TRPM7: variants seen among roughly 807,000 people sequenced by gnomAD.
TRPM7 encodes the protein LTRPC ion channel family member 7.
TRPM7 carries 134 observed loss-of-function variants against 229.7 expected under a neutral mutation model. That is an observed-to-expected ratio of 0.58 (90% confidence interval 0.51 to 0.67). The LOEUF is 0.67. Among genes scored for constraint, TRPM7 ranks in the 30% least tolerant of loss-of-function variants. TRPM7 has a pLI of 0.00. For missense variants in TRPM7, 1,901 were observed against 2,210.0 expected (o/e 0.86, Z 2.80); for synonymous variants, 699 against 715.2 (o/e 0.98, Z 0.36).
intron 2 of TRPM7, among the ~76,000 whole-genome samples, chr15:50,659,868 A>G (rs1424281830): frequency 6.6e-6 from 1 of 152,256 alleles, no homozygotes; most frequent in East Asian, 1.9e-4. Context: ...CGGTTTCACC[A>G]TGTTGGCCAG....
intron 2 of TRPM7, among the ~76,000 whole-genome samples, chr15:50,662,170 G>A (rs147329670): frequency 0.03 from 4,548 of 152,152 alleles, 245 homozygotes; most frequent in African/African-American, 0.1. Context: ...TGGCTAACAT[G>A]GTGAAACCCC....
chr15:50,600,436 TAA>T (rs894855873), intron 21 of TRPM7, among the ~76,000 whole-genome samples: 30 of 130,002 alleles, frequency 2.3e-4, no homozygotes, highest in Non-Finnish European at 3.1e-4. Flanking sequence ...GACTCCATCT[TAA>T]AAAAAAAAAA....
chr15:50,683,947 G>T (rs1476218354), intron 1 of TRPM7, among the ~76,000 whole-genome samples: 1 of 150,230 alleles, frequency 6.7e-6, no homozygotes, highest in Non-Finnish European at 1.5e-5. Context: ...TGCAACCTCC[G>T]CCTCCAAGTT....
rs71124399 is a variant in TRPM7, at chr15:50,640,453, CTT to C, written c.536-907_536-906del. Among the ~76,000 whole-genome samples the C allele has an allele frequency of 5.3e-5, 7 of 131,408 alleles. 1 individual carries two copies. Among genetic ancestry groups the C allele is most frequent in the Non-Finnish European group, 8.1e-5 (5 of 61,694 alleles). 86.2% of individuals were successfully genotyped at this position (131,408 alleles called of 152,430 possible). On this transcript the variant is annotated intron_variant, in intron 5 of 38. Coordinates refer to ENST00000646667, the MANE Select transcript of TRPM7 (RefSeq NM_017672.6). ...CACCATGCCGGGGTAATTTTTTTTT[CTT>C]TTTTTTTTTTTTTTTAGAAAGTGTC...
At chr15:50,619,643 G>A (rs2060331389) in intron 13 of TRPM7, 102 bp downstream of exon 13, 2 of 979,838 alleles carry the variant, frequency 2.0e-6, no homozygotes, top group Non-Finnish European at 3.0e-6. Flanking sequence ...TAATTTTATT[G>A]GTATTTCTAA....
At chr15:50,634,899 C>T (rs1012719285) in intron 7 of TRPM7, among the ~76,000 whole-genome samples, 10 of 152,048 alleles carry the variant, frequency 6.6e-5, no homozygotes, top group African/African-American at 2.2e-4. Flanking sequence ...GAGCTCTTGA[C>T]GTGAAATGTA....
chr15:50,633,063 T>C, intron 8 of TRPM7, 71 bp from the exon 9 acceptor site: 7 of 1,404,148 alleles, frequency 5.0e-6, no homozygotes, highest in South Asian at 4.5e-5. Context: ...GAAGTACAGG[T>C]AGATCCATGT....
chr15:50,586,789 C>T (rs1019472254), intron 27 of TRPM7, among the ~76,000 whole-genome samples: 14 of 152,030 alleles, frequency 9.2e-5, no homozygotes, highest in Non-Finnish European at 1.6e-4. Flanking sequence ...GAGGTCGAGG[C>T]GGGCGGATCA....
At chr15:50,652,417 C>T (rs9806668) in intron 3 of TRPM7, among the ~76,000 whole-genome samples, 3,386 of 140,300 alleles carry the variant, frequency 0.024, 122 homozygotes, top group African/African-American at 0.084. Context: ...AAAAGCTTGT[C>T]ATTGAAAAGA....
chr15:50,566,118 C>T (rs1236196118), intron 38 of TRPM7, among the ~76,000 whole-genome samples: 1 of 151,924 alleles, frequency 6.6e-6, no homozygotes, highest in African/African-American at 2.4e-5. Flanking sequence ...AGCCACTGAA[C>T]CCAGCTCCAT....
chr15:50,683,624 C>T (rs547648862), intron 1 of TRPM7, among the ~76,000 whole-genome samples: 1 of 152,044 alleles, frequency 6.6e-6, no homozygotes, highest in African/African-American at 2.4e-5. Context: ...ATCCCAGCTT[C>T]GGGAGGCTGG....
At chr15:50,613,601 A>T in intron 15 of TRPM7, 106 bp downstream of exon 15, 1 of 1,024,552 alleles carries the variant, frequency 9.8e-7, no homozygotes, top group South Asian at 2.5e-5. Flanking sequence ...CCAAAAACGA[A>T]AGGTAATTCT....
intron 38 of TRPM7, among the ~76,000 whole-genome samples, chr15:50,566,535 A>C (rs565688968): frequency 6.6e-6 from 1 of 152,224 alleles, no homozygotes; most frequent in Admixed American, 6.5e-5. Context: ...GACTCTACTA[A>C]AAGTAACAAA....
At chr15:50,562,569 A>G (rs935167522) in intron 38 of TRPM7, among the ~76,000 whole-genome samples, 2 of 152,172 alleles carry the variant, frequency 1.3e-5, no homozygotes, top group African/African-American at 4.8e-5. Flanking sequence ...CAGGAGTTCA[A>G]GAGCAGCCTG....
chr15:50,564,587 T>C (rs1440014479), intron 38 of TRPM7, among the ~76,000 whole-genome samples: 3 of 152,002 alleles, frequency 2.0e-5, no homozygotes, highest in Non-Finnish European at 4.4e-5. Flanking sequence ...GTGCAGAACA[T>C]GCAGGTTTGT....
chr15:50,562,772 CAA>C (rs537634338), intron 38 of TRPM7, among the ~76,000 whole-genome samples: 32 of 80,804 alleles, frequency 4.0e-4, no homozygotes, highest in Middle Eastern at 8.9e-3. Context: ...GATCCTGTCT[CAA>C]AAAAAAAAAA....
At chr15:50,673,376 G>A (rs1477178021) in intron 1 of TRPM7, among the ~76,000 whole-genome samples, 7 of 152,054 alleles carry the variant, frequency 4.6e-5, no homozygotes, top group Non-Finnish European at 1.0e-4. Context: ...TTGCCCGACC[G>A]GTACACACTG....
At chr15:50,602,000 A>C (rs2059793685) in intron 21 of TRPM7, among the ~76,000 whole-genome samples, 1 of 151,528 alleles carries the variant, frequency 6.6e-6, no homozygotes, top group Non-Finnish European at 1.5e-5. Context: ...TAGGGTAAAG[A>C]AATACCATTT....
intron 4 of TRPM7, among the ~76,000 whole-genome samples, chr15:50,648,164 T>C (rs1458597806): frequency 6.6e-6 from 1 of 152,152 alleles, no homozygotes; most frequent in Non-Finnish European, 1.5e-5. Context: ...TGATAATCTG[T>C]AGACTTTGGT....
Sources: gnomAD v4.1 joint callset for allele counts (sites outside exome capture counted in the v4.1 genomes callset) on GRCh38, gnomAD v4.1.1 for gene constraint, MANE v1.5 for transcripts, NCBI Gene and HGNC (gene_info 2026-07-23, HGNC 2026-07-21) for gene names.